ERCC3: variants seen among roughly 807,000 people sequenced by gnomAD.
ERCC3 encodes general transcription and DNA repair factor IIH helicase/translocase subunit XPB.
ERCC3 carries 66 observed loss-of-function variants against 94.2 expected under a neutral mutation model. The observed-to-expected ratio is 0.70, with a 90% CI of 0.57 to 0.86. ERCC3 has a LOEUF of 0.86. Among genes scored for constraint, ERCC3 ranks in the 40% least tolerant of loss-of-function variants. The pLI, the probability that ERCC3 is intolerant of heterozygous loss-of-function variation, is 0.00. For synonymous variants in ERCC3, 349 were observed against 369.1 expected (o/e 0.95, Z 0.63); for missense variants, 829 against 987.1 (o/e 0.84, Z 2.15).
chr2:127,283,693 C>T (rs1443211976), intron 8 of ERCC3, among the ~76,000 whole-genome samples: 3 of 152,176 alleles, frequency 2.0e-5, no homozygotes, highest in Admixed American at 6.5e-5. Flanking sequence ...GAATGTGTGA[C>T]AGTTCAGTTG....
In ERCC3 at chr2:127,284,788, A is replaced by T. The variant is rs1466474951; in HGVS notation, c.1342+1915T>A. Among the ~76,000 whole-genome samples, 1 of 151,692 alleles carries T rather than the reference A, an allele frequency of 6.6e-6. No homozygotes were observed. Among genetic ancestry groups the T allele is most frequent in the Non-Finnish European group, 1.5e-5 (1 of 67,964 alleles). ...AGCCTCAACCTCCCAGGTTCAAGTG[A>T]TCCTCCCACCTCAGCCTCCTCAGCA... is the stretch of plus-strand genomic sequence containing the variant. On this transcript the variant is annotated intron_variant, in intron 8 of 14. Transcript: ENST00000285398. The surrounding 1 kb of genome is among the most constrained non-coding windows in gnomAD (Gnocchi z 4.1).
chr2:127,259,744 G>A lies in ERCC3; in HGVS notation c.2065-296C>T. On this transcript the variant is annotated intron_variant, in intron 13 of 14. Transcript: ENST00000285398. This position sits in a 1 kb window ranked among gnomAD's most constrained non-coding sequence, Gnocchi z 4.9. ...TGGAAGATCAACAGGAAGAATCTTAGTGATTTTAAAAGGCTCCTTCGGGTA... is the reference window on the plus strand; with the variant it reads ...TGGAAGATCAACAGGAAGAATCTTAATGATTTTAAAAGGCTCCTTCGGGTA... 2.3e-6 allele frequency: 1 copy of A among 431,912 alleles called. No homozygotes were observed. The highest frequency in any genetic ancestry group is 4.9e-5 in the East Asian group (1 of 20,344). The allele number at this position is 431,912 out of a possible 1,614,324, so 26.8% of individuals were successfully genotyped here.
rs201635630 is a variant in ERCC3 at position 127,293,516 on chromosome 2, C to A, written c.231G>T (p.Trp77Cys). ...LKDDHTSRPL[W>C]VAPDGHIFLE... ...CCCAAGCTAAGGGCATGCTTACCAC[C>A]CAGAGGGGCCTGGAGGTGTGGTCGT... The change falls in exon 2 of 15, where the codon TGG becomes TGT. Residue 77 changes from tryptophan to cysteine, a missense_variant. Trp to Cys is a radical substitution (Grantham distance 215). Coordinates refer to ENST00000285398, the MANE Select transcript of ERCC3 (RefSeq NM_000122.2). The A allele has an allele frequency of 2.4e-5, 39 of 1,614,054 alleles. No homozygotes were observed. The highest frequency in any genetic ancestry group is 1.7e-4 in the Middle Eastern group (1 of 6,004).
chr2:127,263,379 A>C (rs551316707), intron 12 of ERCC3, among the ~76,000 whole-genome samples: 33 of 152,226 alleles, frequency 2.2e-4, no homozygotes, highest in Admixed American at 2.0e-3. Flanking sequence ...TTTTGTTTTT[A>C]CAGCTATTAT....
chr2:127,271,439 C>A lies in ERCC3; in HGVS notation c.1842G>T (p.Ser614=), dbSNP rs750922401. 1 of 1,613,100 alleles carries A rather than the reference C, an allele frequency of 6.2e-7. No homozygotes were observed. Among genetic ancestry groups the A allele is most frequent in the South Asian group, 1.1e-5 (1 of 91,044 alleles). The change falls in exon 12 of 15, where the codon TCG becomes TCT. Residue 614 remains serine, a synonymous_variant. Transcript: ENST00000285398. This position sits in a 1 kb window ranked among gnomAD's most constrained non-coding sequence, Gnocchi z 5.0. Reference sequence around the variant, plus strand: ...GGACATTTGCTTCCGGCAGATCAAACGAAGTGTCACCTACCTACAGAAACA... The same window carrying A: ...GGACATTTGCTTCCGGCAGATCAAAAGAAGTGTCACCTACCTACAGAAACA... ...TIFISKVGDT[S]FDLPEANVLI...
intron 10 of ERCC3, among the ~76,000 whole-genome samples, chr2:127,278,163 A>C (rs1366520168): frequency 1.3e-5 from 2 of 151,540 alleles, no homozygotes; most frequent in African/African-American, 4.8e-5. Context: ...GATTGAGCCC[A>C]GGGGGTCAAG....
chr2:127,288,908 G>T, intron 6 of ERCC3, 44 bp from the exon 7 acceptor site: 4 of 1,446,412 alleles, frequency 2.8e-6, no homozygotes, highest in Non-Finnish European at 3.9e-6. Flanking sequence ...TTGTTACTGT[G>T]CTCAAAAACA....
chr2:127,282,043 C>T (rs1282519539), intron 8 of ERCC3, among the ~76,000 whole-genome samples: 1 of 152,208 alleles, frequency 6.6e-6, no homozygotes, highest in Non-Finnish European at 1.5e-5. Flanking sequence ...CACTCTCCTA[C>T]AGCCCTGACA....
chr2:127,289,818 G>A lies in ERCC3; in HGVS notation c.528C>T (p.Phe176=), dbSNP rs114994654. 3.3e-5 allele frequency: 54 copies of A among 1,614,124 alleles called. No homozygotes were observed. In the South Asian group the frequency reaches 4.2e-4, roughly 12 times the overall value. ...VKLVLKHNRY[F]VESCHPDVIQ... ...TTACATCAGGGTGGCAACTTTCAAC[G>A]AAGTATCTGCAAGCAGGGGAGGAAG... is the stretch of plus-strand genomic sequence containing the variant. The change falls in exon 5 of 15, where the codon TTC becomes TTT. Residue 176 remains phenylalanine, a synonymous_variant. Transcript: ENST00000285398.
At chr2:127,267,039 A>C (rs561728459) in intron 12 of ERCC3, among the ~76,000 whole-genome samples, 1 of 152,198 alleles carries the variant, frequency 6.6e-6, no homozygotes, top group Non-Finnish European at 1.5e-5. Flanking sequence ...TTAAGAGTAT[A>C]TTCTGGGGGC....
chr2:127,289,691 C>T lies in ERCC3; in HGVS notation c.655G>A (p.Ala219Thr), dbSNP rs374275821. 1 of 1,614,044 alleles carries T rather than the reference C, an allele frequency of 6.2e-7. No homozygotes were observed. The highest frequency in any genetic ancestry group is 1.7e-5 in the Admixed American group (1 of 60,002). Residue 219 changes from alanine to threonine, a missense_variant and splice_region_variant, in exon 5 of 15, where the codon GCC (alanine) becomes ACC (threonine). Ala to Thr is a moderately conservative substitution (Grantham distance 58). Coordinates refer to ENST00000285398, the MANE Select transcript of ERCC3 (RefSeq NM_000122.2). ...GGGTGGCCCAGGAGTCCACATACGG[C>T]AGATTTGCTTGTGAAAGTCTCTGTG... is the stretch of plus-strand genomic sequence containing the variant. ...LITETFTSKSAISKTAESSGG... is the reference protein window; with the variant it reads ...LITETFTSKSTISKTAESSGG...
rs541121783 is a variant in ERCC3, at chr2:127,283,917, C to G, written c.1342+2786G>C. 2.0e-5 allele frequency among the ~76,000 whole-genome samples: 3 copies of G among 152,266 alleles called. No individual in the cohort carries two copies. The South Asian group carries it at 6.2e-4, about 32-fold the overall frequency. On this transcript the variant is annotated intron_variant, in intron 8 of 14. Transcript: ENST00000285398. ...CTATTTCTTAACCTTTTTGCCATGGCCTGAATGCCTAACAGGAAACTCAAA... is the reference window on the plus strand; with the variant it reads ...CTATTTCTTAACCTTTTTGCCATGGGCTGAATGCCTAACAGGAAACTCAAA...
At chr2:127,290,533 G>A (rs1262236321) in intron 3 of ERCC3, 34 of 535,236 alleles carry the variant, frequency 6.4e-5, no homozygotes, top group Non-Finnish European at 9.9e-5. Context: ...TTAAAATCTT[G>A]CATTCTGCCT....
intron 3 of ERCC3, chr2:127,290,604 A>T (rs1164701566): frequency 7.3e-6 from 3 of 412,994 alleles, no homozygotes; most frequent in Non-Finnish European, 1.4e-5. Flanking sequence ...GTATTACTAC[A>T]ACTCCACAGA....
Position 127,289,319 on chromosome 2 carries a change from G to A in ERCC3, c.822+18C>T. On this transcript the variant is annotated intron_variant, in intron 6 of 14. Transcript: ENST00000285398. ...AGCAGCTCAGTGAAGGAACCAGGAGGAAGGTACATTCACTAACCTGCTTGA... is the reference window on the plus strand; with the variant it reads ...AGCAGCTCAGTGAAGGAACCAGGAGAAAGGTACATTCACTAACCTGCTTGA... The A allele has an allele frequency of 6.2e-7, 1 of 1,610,184 alleles. No individual in the cohort carries two copies. The highest frequency in any genetic ancestry group is 8.5e-7 in the Non-Finnish European group (1 of 1,176,698).
intron 4 of ERCC3, 35 bp from the exon 5 acceptor site, chr2:127,289,859 C>T (rs756699188): frequency 6.2e-7 from 1 of 1,612,872 alleles, no homozygotes; most frequent in South Asian, 1.1e-5. Flanking sequence ...GTCTACTGAC[C>T]AGCAGGTACC....
At chr2:127,273,394 T>C (rs796282601) in intron 10 of ERCC3, among the ~76,000 whole-genome samples, 26 of 152,284 alleles carry the variant, frequency 1.7e-4, no homozygotes, top group African/African-American at 5.8e-4. Context: ...AGGAGAAAAG[T>C]GCCCTTCAGC....
intron 10 of ERCC3, among the ~76,000 whole-genome samples, chr2:127,273,606 G>A (rs1004857869): frequency 3.3e-5 from 5 of 151,804 alleles, no homozygotes; most frequent in Non-Finnish European, 2.9e-5. Flanking sequence ...AAAATTAGCC[G>A]AGTGTGGTGG....
At chr2:127,268,114 C>T (rs749467828) in intron 12 of ERCC3, among the ~76,000 whole-genome samples, 4 of 151,944 alleles carry the variant, frequency 2.6e-5, no homozygotes, top group Non-Finnish European at 4.4e-5. Flanking sequence ...CCACCACGCC[C>T]GGCTAATTTT....
Sources: gnomAD v4.1 joint callset for allele counts (sites outside exome capture counted in the v4.1 genomes callset) on GRCh38, gnomAD v4.1.1 for gene constraint, Gnocchi (gnomAD v3.1) non-coding constraint, MANE v1.5 for transcripts, NCBI Gene and HGNC (gene_info 2026-07-23, HGNC 2026-07-21) for gene names.